PSPH: variants seen among roughly 807,000 people sequenced by gnomAD.
PSPH encodes the protein L-3-phosphoserine phosphatase.
In PSPH, 16 loss-of-function variants were observed where a neutral mutation model predicts 23.4. That is an observed-to-expected ratio of 0.68 (90% CI 0.46 to 1.04). The LOEUF is 1.04. Ranked by LOEUF, PSPH falls within the 50% of genes least tolerant of loss-of-function variation. The pLI, the probability that PSPH is intolerant of heterozygous loss-of-function variation, is 0.00. For synonymous variants in PSPH, 68 were observed against 99.7 expected (o/e 0.68, Z 1.89); for missense variants, 223 against 273.7 (o/e 0.81, Z 1.31).
chr7:56,022,134 C>T (rs185568329), intron 3 of PSPH, among the ~76,000 whole-genome samples: 9 of 151,932 alleles, frequency 5.9e-5, no homozygotes, highest in Middle Eastern at 3.4e-3. Flanking sequence ...TCAAGACCAG[C>T]GTGGGCAACA....
chr7:56,041,064 G>A (rs1466699565), intron 1 of PSPH, among the ~76,000 whole-genome samples: 2 of 152,074 alleles, frequency 1.3e-5, no homozygotes, highest in Non-Finnish European at 2.9e-5. Context: ...TTCAGTGTGT[G>A]TCTCCAACAT....
At chr7:56,038,156 C>T (rs189323328) in intron 1 of PSPH, among the ~76,000 whole-genome samples, 7 of 151,348 alleles carry the variant, frequency 4.6e-5, no homozygotes, top group Non-Finnish European at 8.8e-5. Context: ...TGAACACATG[C>T]GGCCAGGTGC....
intron 1 of PSPH, among the ~76,000 whole-genome samples, chr7:56,042,692 A>G (rs1244622147): frequency 6.6e-6 from 1 of 151,504 alleles, no homozygotes; most frequent in Non-Finnish European, 1.5e-5. Context: ...AGGAAAACAC[A>G]TAACTATCAC....
At chr7:56,014,909 C>T (rs1471593504) in intron 7 of PSPH, 114 bp downstream of exon 7, 8 of 1,189,012 alleles carry the variant, frequency 6.7e-6, no homozygotes, top group East Asian at 2.7e-5. Flanking sequence ...CGCCACTGCA[C>T]TCCAACCTGG....
chr7:56,021,207 G>A lies in PSPH; in HGVS notation c.6C>T (p.Val2=), dbSNP rs564286972. Reference sequence around the variant, plus strand: ...AAAGCTTCCTCAGCTCTGAGTGGGAGACCATCGCTGGAAGAATTTTCCTCC... The same window carrying A: ...AAAGCTTCCTCAGCTCTGAGTGGGAAACCATCGCTGGAAGAATTTTCCTCC... The part of the protein sequence containing the change: M[V]SHSELRKLFY... Residue 2 remains valine (V), a synonymous_variant, in exon 4 of 8, where the codon GTC becomes GTT. Transcript: ENST00000275605. The A allele has an allele frequency of 2.5e-6, 4 of 1,614,140 alleles. No individual in the cohort carries two copies. The African/African-American group carries it at 5.3e-5, about 22-fold the overall frequency.
At chr7:56,047,388 CAA>C (rs112157741) in intron 1 of PSPH, among the ~76,000 whole-genome samples, 15 of 80,388 alleles carry the variant, frequency 1.9e-4, no homozygotes, top group African/African-American at 2.4e-4. Flanking sequence ...GACCCTGTCT[CAA>C]AAAAAAAAAA....
At position 56,051,418 on chromosome 7, in the gene PSPH, C is replaced by G. The variant is rs1794024594; in HGVS notation, c.-572G>C. 1 of 207,116 alleles carries G rather than the reference C, an allele frequency of 4.8e-6. No homozygotes were observed. Among genetic ancestry groups the G allele is most frequent in the Non-Finnish European group, 9.9e-6 (1 of 101,042 alleles). The allele number at this position is 207,116 out of a possible 1,614,324, so 12.8% of individuals were successfully genotyped here. ...GGCCCCACGGCACCTAGGGCACCGT[C>G]GAGCACACGGTCCGGGAAGCTCCAA... On this transcript the variant is annotated 5_prime_UTR_variant, in exon 1 of 8. Coordinates refer to ENST00000275605, the MANE Select transcript of PSPH (RefSeq NM_004577.4).
intron 1 of PSPH, among the ~76,000 whole-genome samples, chr7:56,042,392 T>C (rs1792669553): frequency 6.6e-6 from 1 of 152,074 alleles, no homozygotes; most frequent in Non-Finnish European, 1.5e-5. Flanking sequence ...GACTCACACC[T>C]GTAATCTCAG....
Position 56,021,971 on chromosome 7 carries a change from A to AAG in PSPH, c.-19-741_-19-740insCT, listed in dbSNP as rs1270426536. Among the ~76,000 whole-genome samples the AAG allele has an allele frequency of 1.2e-4, 18 of 149,878 alleles. No individual in the cohort carries two copies. The East Asian group carries it at 3.4e-3, about 28-fold the overall frequency. ...TCTCAAAAAAAAAAAAAAAAAAAAA[A>AAG]GCAGAGGTGTGCATAAGGCTCTGTG... On this transcript the variant is annotated intron_variant, in intron 3 of 7. Coordinates refer to ENST00000275605, the MANE Select transcript of PSPH (RefSeq NM_004577.4).
At chr7:56,013,147 G>GTGTATA in intron 7 of PSPH, among the ~76,000 whole-genome samples, 1 of 110,024 alleles carries the variant, frequency 9.1e-6, no homozygotes, top group South Asian at 2.9e-4. Context: ...ACGTATATGT[G>GTGTATA]TATGTGTATA....
intron 6 of PSPH, among the ~76,000 whole-genome samples, 163 bp from the exon 7 acceptor site, chr7:56,015,334 A>G (rs80021822): frequency 0.011 from 1,618 of 152,280 alleles, 30 homozygotes; most frequent in African/African-American, 0.036. Context: ...CCTGGGAATA[A>G]ACAAGCTTTG....
chr7:56,049,940 T>TGGCCAG (rs1300367540), intron 1 of PSPH, among the ~76,000 whole-genome samples: 1 of 151,982 alleles, frequency 6.6e-6, no homozygotes, highest in Non-Finnish European at 1.5e-5. Context: ...TTCACCATGT[T>TGGCCAG]GGCCAGGATG....
rs1229539908 is a variant in PSPH at position 56,019,676 on chromosome 7, C to A, written c.199G>T (p.Ala67Ser). The change falls in exon 5 of 8, where the codon GCC becomes TCC. Residue 67 changes from alanine to serine, a missense_variant. Physicochemically the swap from Ala to Ser is moderately conservative, Grantham distance 99. Transcript: ENST00000275605. Reference sequence around the variant, plus strand: ...TGCTCCCTGGAGGGCTGGATGAGGGCTAAGCGCTCTGTGAGAGCAGCTTTG... The same window carrying A: ...TGCTCCCTGGAGGGCTGGATGAGGGATAAGCGCTCTGTGAGAGCAGCTTTG... ...PFKAALTERL[A>S]LIQPSREQVQ... 6.8e-6 allele frequency: 11 copies of A among 1,613,794 alleles called. No homozygotes were observed. Among genetic ancestry groups the A allele is most frequent in the African/African-American group, 1.3e-5 (1 of 74,946 alleles).
At chr7:56,049,170 C>T (rs574469878) in intron 1 of PSPH, among the ~76,000 whole-genome samples, 2 of 151,852 alleles carry the variant, frequency 1.3e-5, no homozygotes, top group African/African-American at 2.4e-5. Flanking sequence ...GTGATCTGCC[C>T]GCCTCGGCCT....
At chr7:56,030,035 T>C (rs1790756914) in intron 3 of PSPH, among the ~76,000 whole-genome samples, 1 of 151,012 alleles carries the variant, frequency 6.6e-6, no homozygotes, top group African/African-American at 2.4e-5. Context: ...GAAAAGGTTC[T>C]GAATCAGAGG....
chr7:56,032,867 G>A (rs1276045395), intron 2 of PSPH, among the ~76,000 whole-genome samples: 2 of 151,550 alleles, frequency 1.3e-5, no homozygotes. Flanking sequence ...CAGGAGTTTG[G>A]GCTCAGGAGT....
At chr7:56,035,461 G>T (rs1791605507) in intron 1 of PSPH, among the ~76,000 whole-genome samples, 1 of 152,062 alleles carries the variant, frequency 6.6e-6, no homozygotes, top group Non-Finnish European at 1.5e-5. Context: ...GCTGGGCATT[G>T]AGATCCACTC....
chr7:56,029,080 G>C (rs753131660), intron 3 of PSPH, among the ~76,000 whole-genome samples: 97 of 152,178 alleles, frequency 6.4e-4, no homozygotes, highest in Non-Finnish European at 1.3e-3. Flanking sequence ...CTCCCAAAGT[G>C]CTGGGATGAC....
intron 3 of PSPH, among the ~76,000 whole-genome samples, chr7:56,023,893 A>G (rs1174389986): frequency 6.6e-6 from 1 of 151,994 alleles, no homozygotes; most frequent in African/African-American, 2.4e-5. Context: ...CACAAGTAAG[A>G]ATGATTTTTA....
Sources: gnomAD v4.1 joint callset for allele counts (sites outside exome capture counted in the v4.1 genomes callset) on GRCh38, gnomAD v4.1.1 for gene constraint, MANE v1.5 for transcripts, NCBI Gene and HGNC (gene_info 2026-07-23, HGNC 2026-07-21) for gene names.